The following GPC6 variants were observed in gnomAD, a reference collection of about 807,000 sequenced individuals.
GPC6 encodes the protein glypican 6.
GPC6 carries 14 observed loss-of-function variants against 55.2 expected under a neutral mutation model. The ratio of observed to expected loss-of-function variants is 0.25; its 90% CI spans 0.17 to 0.40. The LOEUF (loss-of-function observed/expected upper bound fraction) is 0.40. Ranked by LOEUF, GPC6 falls within the 10% of genes least tolerant of loss-of-function variation. The pLI is 1.00. For missense variants in GPC6, 641 were observed against 708.5 expected, an observed-to-expected ratio of 0.90 and a Z score of 1.08; for synonymous variants, 278 against 259.6, an observed-to-expected ratio of 1.07 and a Z score of -0.68.
intron 5 of GPC6, among the ~76,000 whole-genome samples, chr13:94,302,482 C>A (rs1875704144): frequency 6.6e-6 from 1 of 152,152 alleles, no homozygotes; most frequent in Non-Finnish European, 1.5e-5. Flanking sequence ...TCTTGGAGGA[C>A]ACAAATATTC....
At chr13:93,845,699 T>C (rs866464326) in intron 3 of GPC6, among the ~76,000 whole-genome samples, 2 of 147,752 alleles carry the variant, frequency 1.4e-5, no homozygotes, top group African/African-American at 5.0e-5. Context: ...TGGATGAAAT[T>C]GGAAATCATC....
rs946980125 is a variant in GPC6 at position 94,085,500 on chromosome 13, G to A, written c.877+57606G>A. 1.4e-4 allele frequency among the ~76,000 whole-genome samples: 22 copies of A among 152,294 alleles called. No homozygotes were observed. In the East Asian group the frequency reaches 1.5e-3, roughly 11 times the overall value. Reference sequence around the variant, plus strand: ...TAAGACAAGGTATAACAAGGAAGGCGAGAGATGGGTTAGGAGACTACCTGC... The same window carrying A: ...TAAGACAAGGTATAACAAGGAAGGCAAGAGATGGGTTAGGAGACTACCTGC... On this transcript the variant is annotated intron_variant, in intron 4 of 8. Transcript: ENST00000377047.
At chr13:94,013,051 A>G (rs1022224361) in intron 3 of GPC6, among the ~76,000 whole-genome samples, 3 of 152,194 alleles carry the variant, frequency 2.0e-5, no homozygotes, top group Admixed American at 1.3e-4. Context: ...ACACTGCCCA[A>G]ATAAAAGGCA....
intron 2 of GPC6, among the ~76,000 whole-genome samples, chr13:93,761,165 C>A (rs1884942613): frequency 6.6e-6 from 1 of 151,964 alleles, no homozygotes; most frequent in African/African-American, 2.4e-5. Context: ...GCAGAAATTG[C>A]AAAGGCATGC....
At chr13:93,730,664 C>T (rs181656756) in intron 2 of GPC6, among the ~76,000 whole-genome samples, 3 of 152,284 alleles carry the variant, frequency 2.0e-5, no homozygotes, top group Non-Finnish European at 2.9e-5. Context: ...CTAAGGTTTT[C>T]ATTAGTTTTT....
intron 2 of GPC6, among the ~76,000 whole-genome samples, chr13:93,805,466 T>G (rs193044571): frequency 5.1e-4 from 78 of 152,298 alleles, no homozygotes; most frequent in Non-Finnish European, 1.0e-3. Flanking sequence ...ATATACATTT[T>G]AAAAGATTAT....
intron 2 of GPC6, among the ~76,000 whole-genome samples, chr13:93,787,256 GT>G (rs1885842605): frequency 6.6e-6 from 1 of 152,142 alleles, no homozygotes; most frequent in Non-Finnish European, 1.5e-5. Context: ...TATGACAGGG[GT>G]TGGCAAATTT....
At chr13:94,234,062 A>G (rs889774622) in intron 4 of GPC6, among the ~76,000 whole-genome samples, 1 of 152,128 alleles carries the variant, frequency 6.6e-6, no homozygotes, top group Non-Finnish European at 1.5e-5. Flanking sequence ...GTAGGGCAGT[A>G]ACTCTACTAG....
intron 2 of GPC6, among the ~76,000 whole-genome samples, chr13:93,588,999 C>T (rs1877338184): frequency 6.6e-6 from 1 of 152,130 alleles, no homozygotes; most frequent in Non-Finnish European, 1.5e-5. Flanking sequence ...CTCAGGAAGA[C>T]ATTAAGATAC....
intron 2 of GPC6, among the ~76,000 whole-genome samples, chr13:93,752,727 A>T (rs565076183): frequency 6.6e-6 from 1 of 152,142 alleles, no homozygotes; most frequent in African/African-American, 2.4e-5. Context: ...CTGAGGACCT[A>T]AAGGCCTGAC....
At chr13:93,996,281 A>C (rs1881551577) in intron 3 of GPC6, among the ~76,000 whole-genome samples, 1 of 152,224 alleles carries the variant, frequency 6.6e-6, no homozygotes, top group Non-Finnish European at 1.5e-5. Context: ...CTAAGGCTGA[A>C]TTATGAATAC....
intron 4 of GPC6, among the ~76,000 whole-genome samples, chr13:94,171,594 A>G (rs947231307): frequency 1.3e-5 from 2 of 152,194 alleles, no homozygotes; most frequent in Non-Finnish European, 2.9e-5. Context: ...GGAAAATTCC[A>G]AAGTATATTC....
chr13:93,575,206 G>A (rs143312624), intron 2 of GPC6, among the ~76,000 whole-genome samples: 1,756 of 152,164 alleles, frequency 0.012, 35 homozygotes, highest in African/African-American at 0.04. Context: ...AGGCAGAATC[G>A]CTTGAACCCG....
At chr13:94,278,647 G>A (rs535548007) in intron 4 of GPC6, among the ~76,000 whole-genome samples, 8 of 152,126 alleles carry the variant, frequency 5.3e-5, no homozygotes, top group Non-Finnish European at 1.2e-4. Flanking sequence ...TAACATGAAG[G>A]GATGTTGAAT....
intron 1 of GPC6, among the ~76,000 whole-genome samples, chr13:93,526,002 C>G (rs1881633090): frequency 6.6e-6 from 1 of 151,938 alleles, no homozygotes; most frequent in East Asian, 1.9e-4. Context: ...TTTGTTTAAC[C>G]TTGACAATTA....
intron 1 of GPC6, among the ~76,000 whole-genome samples, chr13:93,438,997 A>T (rs950141231): frequency 6.6e-6 from 1 of 152,200 alleles, no homozygotes; most frequent in Admixed American, 6.6e-5. Flanking sequence ...ACCAGCAAAA[A>T]GATTAATGAC....
At chr13:93,290,456 T>C (rs1013794737) in intron 1 of GPC6, among the ~76,000 whole-genome samples, 1 of 152,134 alleles carries the variant, frequency 6.6e-6, no homozygotes, top group Non-Finnish European at 1.5e-5. Flanking sequence ...AACGAGTAAA[T>C]TGGTTCATTT....
intron 1 of GPC6, among the ~76,000 whole-genome samples, chr13:93,525,588 C>T (rs1436706770): frequency 6.6e-6 from 1 of 152,044 alleles, no homozygotes; most frequent in Non-Finnish European, 1.5e-5. Flanking sequence ...CTTCTGAGCA[C>T]TCGAAGTGGA....
At chr13:94,161,203 T>C (rs1402404691) in intron 4 of GPC6, among the ~76,000 whole-genome samples, 1 of 152,204 alleles carries the variant, frequency 6.6e-6, no homozygotes, top group Non-Finnish European at 1.5e-5. Flanking sequence ...ATACTTTTCT[T>C]TTTTTCAAAT....
Sources: allele counts gnomAD v4.1 joint callset (sites outside exome capture counted in the v4.1 genomes callset), GRCh38; gene constraint gnomAD v4.1.1; transcripts MANE v1.5; gene names NCBI Gene and HGNC (gene_info 2026-07-23, HGNC 2026-07-21).